The following MAPK14 variants were observed in gnomAD, a reference collection of about 807,000 sequenced individuals.
The protein encoded by MAPK14 is mitogen-activated protein kinase 14, also known as CSAID-binding protein.
Under a neutral mutation model 49.6 loss-of-function variants are expected in MAPK14, and 16 were observed. The observed-to-expected ratio is 0.32, with a 90% CI of 0.22 to 0.49. MAPK14 has a LOEUF of 0.49. Ranked by LOEUF, MAPK14 falls within the 20% of genes least tolerant of loss-of-function variation. MAPK14 has a pLI of 0.99. For missense variants in MAPK14, 200 were observed against 441.2 expected, an observed-to-expected ratio of 0.45 and a Z score of 4.90; for synonymous variants, 142 against 158.0, an observed-to-expected ratio of 0.90 and a Z score of 0.76.
intron 3 of MAPK14, among the ~76,000 whole-genome samples, chr6:36,065,464 C>G (rs1764011248): frequency 7.0e-6 from 1 of 143,126 alleles, no homozygotes. Context: ...GGGGAAAGTA[C>G]AAGTTCATCC....
In MAPK14 at chr6:36,109,759, A is replaced by G. The variant is rs200912808; in HGVS notation, c.*1312A>G. The stretch of plus-strand genomic sequence containing the variant: ...TCTTCACTCCCAATAACTAATGCTA[A>G]GAAATGCTGAAAATCAAAGTAAAAA... On this transcript the variant is annotated 3_prime_UTR_variant, in exon 12 of 12. Transcript: ENST00000229794. The G allele has an allele frequency of 6.6e-6, 1 of 152,666 alleles. No homozygotes were observed. Among genetic ancestry groups the G allele is most frequent in the Non-Finnish European group, 1.5e-5 (1 of 68,048 alleles). The allele number at this position is 152,666 out of a possible 1,614,324, so 9.5% of individuals were successfully genotyped here.
chr6:36,049,933 G>A (rs188577248), intron 1 of MAPK14, among the ~76,000 whole-genome samples: 2 of 152,332 alleles, frequency 1.3e-5, no homozygotes, highest in East Asian at 3.9e-4. Flanking sequence ...CTCCCCTCCT[G>A]ATGGTTTCTG....
rs1764188634 is a variant in MAPK14 at position 36,069,557 on chromosome 6, A to G, written c.306-3316A>G. Among the ~76,000 whole-genome samples the G allele has an allele frequency of 2.6e-5, 4 of 152,342 alleles. No homozygotes were observed. The South Asian group carries it at 8.3e-4, about 32-fold the overall frequency. Reference sequence around the variant, plus strand: ...AGTAATGCTTGATAGTTATTACTATATAGACTGATTAATCTTATAAACTTA... The same window carrying G: ...AGTAATGCTTGATAGTTATTACTATGTAGACTGATTAATCTTATAAACTTA... On this transcript the variant is annotated intron_variant, in intron 3 of 11. Coordinates refer to ENST00000229794, the MANE Select transcript of MAPK14 (RefSeq NM_139012.3).
chr6:36,028,791 CTTTTTTTTTT>C lies in MAPK14; in HGVS notation c.116+530_116+539del, dbSNP rs111234964. 2.0e-5 allele frequency among the ~76,000 whole-genome samples: 2 copies of C among 100,388 alleles called. No homozygotes were observed. The highest frequency in any genetic ancestry group is 3.5e-4 in the South Asian group (1 of 2,856). 65.9% of individuals were successfully genotyped at this position (100,388 alleles called of 152,430 possible). On this transcript the variant is annotated intron_variant, in intron 1 of 11. Coordinates refer to ENST00000229794, the MANE Select transcript of MAPK14 (RefSeq NM_139012.3). The surrounding 1 kb of genome is among the most constrained non-coding windows in gnomAD (Gnocchi z 5.1). ...ACCAGGAAGGGAGCTCTCTCCGGGC[CTTTTTTTTTT>C]TTTTTTTTTTTCAAAACTCTGTCGA...
At chr6:36,066,097 C>T (rs116705668) in intron 3 of MAPK14, among the ~76,000 whole-genome samples, 307 of 151,906 alleles carry the variant, frequency 2.0e-3, no homozygotes, top group African/African-American at 7.2e-3. Flanking sequence ...TTGGAGGGTA[C>T]AAAGGGCTTT....
intron 1 of MAPK14, among the ~76,000 whole-genome samples, chr6:36,031,888 G>A (rs1376093844): frequency 2.0e-5 from 3 of 152,120 alleles, no homozygotes; most frequent in African/African-American, 7.2e-5. Flanking sequence ...AATTTTTTGT[G>A]TGACTTCTTG....
chr6:36,088,540 G>A (rs961498565), intron 8 of MAPK14, among the ~76,000 whole-genome samples: 1 of 151,932 alleles, frequency 6.6e-6, no homozygotes, highest in Non-Finnish European at 1.5e-5. Flanking sequence ...GACTAATTTG[G>A]CGAAACCCCA....
chr6:36,082,674 G>C lies in MAPK14; in HGVS notation c.682+6066G>C, dbSNP rs148767570. Among the ~76,000 whole-genome samples the C allele has an allele frequency of 2.9e-3, 440 of 152,240 alleles. 3 individuals are homozygous for C. Among genetic ancestry groups the C allele is most frequent in the African/African-American group, 1.0e-2 (414 of 41,554 alleles). Reference sequence around the variant, plus strand: ...AGAGCGAGAACTCACTCATTAATGTGGGGAGGGAACCAAGCCATTCATGAG... The same window carrying C: ...AGAGCGAGAACTCACTCATTAATGTCGGGAGGGAACCAAGCCATTCATGAG... On this transcript the variant is annotated intron_variant, in intron 8 of 11. Transcript: ENST00000229794.
the MAPK14 span, among the ~76,000 whole-genome samples, chr6:36,122,423 C>T: frequency 1.3e-5 from 2 of 152,348 alleles, 1 homozygote; most frequent in South Asian, 4.1e-4. Flanking sequence ...ATCAGCTGCA[C>T]ACAGACAGAG....
intron 1 of MAPK14, among the ~76,000 whole-genome samples, chr6:36,047,736 AT>A (rs143911159): frequency 2.4e-3 from 328 of 137,592 alleles, no homozygotes; most frequent in Middle Eastern, 3.8e-3. Flanking sequence ...TGCCTGACTA[AT>A]TTTTTTTTTT....
intron 8 of MAPK14, among the ~76,000 whole-genome samples, chr6:36,078,630 A>G (rs538527791): frequency 6.6e-6 from 1 of 152,284 alleles, no homozygotes; most frequent in African/African-American, 2.4e-5. Context: ...TAAACTTTTT[A>G]ATAAGGGATT....
chr6:36,043,998 C>T (rs906328735), intron 1 of MAPK14, among the ~76,000 whole-genome samples: 8 of 151,514 alleles, frequency 5.3e-5, no homozygotes, highest in African/African-American at 1.5e-4. Flanking sequence ...TTAGTAGAGA[C>T]GGGATTTCTC....
At chr6:36,060,333 C>T (rs1050487985) in intron 3 of MAPK14, among the ~76,000 whole-genome samples, 1 of 152,122 alleles carries the variant, frequency 6.6e-6, no homozygotes, top group African/African-American at 2.4e-5. Flanking sequence ...GCAAGTGTTC[C>T]CATGTATGTG....
chr6:36,040,212 G>A lies in MAPK14; in HGVS notation c.116+11939G>A, dbSNP rs1326034778. ...GTTGTGGGGGACTGACCTGTGCAGT[G>A]TAGTATGTTTAGCAGCATCCCTGTC... On this transcript the variant is annotated intron_variant, in intron 1 of 11. Transcript: ENST00000229794. Among the ~76,000 whole-genome samples the A allele has an allele frequency of 2.6e-5, 4 of 152,106 alleles. No homozygotes were observed. The East Asian group carries it at 7.7e-4, about 29-fold the overall frequency.
At chr6:36,049,430 GTA>G (rs1348185397) in intron 1 of MAPK14, among the ~76,000 whole-genome samples, 1 of 152,136 alleles carries the variant, frequency 6.6e-6, no homozygotes, top group Non-Finnish European at 1.5e-5. Flanking sequence ...AATAGCAAAG[GTA>G]TAAATTAGTG....
chr6:36,076,732 C>G, intron 8 of MAPK14, 124 bp downstream of exon 8: 1 of 558,484 alleles, frequency 1.8e-6, no homozygotes, highest in Non-Finnish European at 3.1e-6. Flanking sequence ...CTAGATAATG[C>G]ATTATGAGGT....
chr6:36,072,790 C>T, intron 3 of MAPK14, 83 bp from the exon 4 acceptor site: 3 of 788,572 alleles, frequency 3.8e-6, no homozygotes, highest in Non-Finnish European at 6.1e-6. Context: ...ACCAAAAAAA[C>T]CAAAAAACTT....
intron 2 of MAPK14, among the ~76,000 whole-genome samples, chr6:36,055,339 C>A (rs551684322): frequency 1.3e-5 from 2 of 152,162 alleles, no homozygotes; most frequent in Non-Finnish European, 2.9e-5. Flanking sequence ...CATTGTAGAC[C>A]AAGAGATTGT....
intron 9 of MAPK14, chr6:36,096,592 TCA>T (rs1765453582): frequency 6.6e-6 from 1 of 152,548 alleles, no homozygotes; most frequent in Non-Finnish European, 1.5e-5. Context: ...GAATAGATAC[TCA>T]CATATCCTAT....
Sources: allele counts gnomAD v4.1 joint callset (sites outside exome capture counted in the v4.1 genomes callset), GRCh38; gene constraint gnomAD v4.1.1; non-coding constraint Gnocchi (gnomAD v3.1); transcripts MANE v1.5; gene names NCBI Gene and HGNC (gene_info 2026-07-23, HGNC 2026-07-21).